Variants in MIGA1 observed in about 807,000 individuals in gnomAD.
MIGA1 encodes family with sequence similarity 73, member A.
In MIGA1, 58 loss-of-function variants were observed where a neutral mutation model predicts 82.0. That is an observed-to-expected ratio of 0.71 (90% CI 0.57 to 0.88). The LOEUF (loss-of-function observed/expected upper bound fraction) is 0.88. MIGA1 is among the 40% of genes least tolerant of loss of function. MIGA1 has a pLI of 0.00. For synonymous variants in MIGA1, 249 were observed against 253.6 expected, an observed-to-expected ratio of 0.98 and a Z score of 0.17; for missense variants, 751 against 749.1, an observed-to-expected ratio of 1.00 and a Z score of -0.03.
Position 77,857,317 on chromosome 1 carries a change from C to T in MIGA1, c.997-1621C>T, listed in dbSNP as rs960792043. 5.7e-5 allele frequency among the ~76,000 whole-genome samples: 5 copies of T among 88,192 alleles called. No homozygotes were observed. The Admixed American group carries it at 6.2e-4, about 11-fold the overall frequency. The allele number at this position is 88,192 out of a possible 152,430, so 57.9% of individuals were successfully genotyped here. ...CACTCTGCTCTTTGTTGCCTGTGTACTTTGGTTTTTTTTTTTTTGTTTTTG... is the reference window on the plus strand; with the variant it reads ...CACTCTGCTCTTTGTTGCCTGTGTATTTTGGTTTTTTTTTTTTTGTTTTTG... On this transcript the variant is annotated intron_variant, in intron 8 of 15. Transcript: ENST00000370791.
chr1:77,861,483 G>T (rs771947142), intron 12 of MIGA1, 161 bp downstream of exon 12: 4 of 548,370 alleles, frequency 7.3e-6, no homozygotes, highest in Non-Finnish European at 1.3e-5. Flanking sequence ...CTCCTTGTAC[G>T]TTGGGGCAGT....
chr1:77,807,082 A>C lies in MIGA1; in HGVS notation c.618A>C (p.Pro206=). The change falls in exon 5 of 16, where the codon CCA becomes CCC. Residue 206 remains proline (P), a synonymous_variant. Coordinates refer to ENST00000370791, the MANE Select transcript of MIGA1 (RefSeq NM_198549.4). ...TTGTTAATATTCCTGTGACTACTCC[A>C]GAGAACTTATACTTAATGGGTAGGA... 1 of 1,592,034 alleles carries C rather than the reference A, an allele frequency of 6.3e-7. No individual in the cohort carries two copies. The highest frequency in any genetic ancestry group is 1.7e-4 in the Middle Eastern group (1 of 6,010).
In MIGA1 at chr1:77,813,899, A is replaced by G. The variant is rs1471197568; in HGVS notation, c.771+32A>G. The stretch of plus-strand genomic sequence containing the variant: ...GTGATTGATTTGAGTGGTCTTCATA[A>G]TATTAGAAGAATCAAACTTTTTTTT... On this transcript the variant is annotated intron_variant, in intron 6 of 15. Transcript: ENST00000370791. 6.9e-6 allele frequency: 11 copies of G among 1,603,788 alleles called. No homozygotes were observed. In the African/African-American group the frequency reaches 1.2e-4, roughly 18 times the overall value.
chr1:77,853,243 T>C (rs1318436017), intron 8 of MIGA1: 1 of 152,192 alleles, frequency 6.6e-6, no homozygotes, highest in African/African-American at 2.4e-5. Context: ...GTAAAATGGC[T>C]GAATCTCCAT....
intron 7 of MIGA1, among the ~76,000 whole-genome samples, chr1:77,841,312 T>G (rs1230443649): frequency 1.3e-5 from 2 of 151,852 alleles, no homozygotes; most frequent in Non-Finnish European, 2.9e-5. Flanking sequence ...ATACTTAAAA[T>G]GTAAAGTCTG....
intron 12 of MIGA1, chr1:77,861,595 A>C: frequency 5.6e-6 from 2 of 354,134 alleles, no homozygotes; most frequent in South Asian, 3.4e-5. Flanking sequence ...CTTCTCTCCA[A>C]AAGTCATTGG....
chr1:77,869,088 A>C (rs7519671), intron 14 of MIGA1, among the ~76,000 whole-genome samples: 1 of 151,650 alleles, frequency 6.6e-6, no homozygotes, highest in African/African-American at 2.4e-5. Flanking sequence ...AGGACCCTGC[A>C]GCCTTCCGCA....
chr1:77,867,800 G>C (rs1685733561), intron 14 of MIGA1, among the ~76,000 whole-genome samples: 1 of 152,202 alleles, frequency 6.6e-6, no homozygotes, highest in Non-Finnish European at 1.5e-5. Flanking sequence ...CAGTTGCAGT[G>C]ATTTTAAAGT....
intron 8 of MIGA1, among the ~76,000 whole-genome samples, chr1:77,844,584 T>C (rs1684767295): frequency 6.6e-6 from 1 of 152,198 alleles, no homozygotes; most frequent in Admixed American, 6.5e-5. Flanking sequence ...TAAAACAGCT[T>C]TAAAAATTAC....
chr1:77,793,873 A>G (rs377227025), intron 2 of MIGA1, among the ~76,000 whole-genome samples: 7 of 141,498 alleles, frequency 4.9e-5, no homozygotes, highest in South Asian at 4.4e-4. Context: ...TGCAACCTCT[A>G]CCTCCTGGGT....
chr1:77,784,667 A>G (rs185775173), intron 2 of MIGA1, among the ~76,000 whole-genome samples: 85 of 152,200 alleles, frequency 5.6e-4, no homozygotes, highest in Non-Finnish European at 1.0e-3. Flanking sequence ...TTTCTATTTC[A>G]TTGATAGTAG....
intron 7 of MIGA1, among the ~76,000 whole-genome samples, chr1:77,834,993 G>A (rs1400338121): frequency 6.6e-6 from 1 of 152,192 alleles, no homozygotes; most frequent in East Asian, 1.9e-4. Context: ...TTTAAAAGAA[G>A]AGTGGCATCT....
At chr1:77,861,560 C>T in intron 12 of MIGA1, 1 of 428,622 alleles carries the variant, frequency 2.3e-6, no homozygotes, top group Non-Finnish European at 4.2e-6. Flanking sequence ...TCCCTCCTGT[C>T]CTCCTTCCCT....
intron 3 of MIGA1, 39 bp downstream of exon 3, chr1:77,801,547 T>C: frequency 6.6e-7 from 1 of 1,521,068 alleles, no homozygotes; most frequent in Admixed American, 2.4e-5. Flanking sequence ...CAAAAGTGTG[T>C]AAATCATAAC....
At position 77,859,038 on chromosome 1, in the gene MIGA1, T is replaced by C; in HGVS notation, c.1097T>C (p.Ile366Thr). The change falls in exon 9 of 16, where the codon ATT (isoleucine) becomes ACT (threonine). Residue 366 changes from isoleucine (I) to threonine (T), a missense_variant. This residue lies in a region of MIGA1 where 482 missense variants were observed against 439.4 expected (regional missense o/e 1.10). Coordinates refer to ENST00000370791, the MANE Select transcript of MIGA1 (RefSeq NM_198549.4). ...ATGCATTTAGTTGAAGAAGGAAAAA[T>C]TTACTCCAGAGTACTGAGGTACCAT... 1 of 1,606,712 alleles carries C rather than the reference T, an allele frequency of 6.2e-7. No homozygotes were observed. Among genetic ancestry groups the C allele is most frequent in the Non-Finnish European group, 8.5e-7 (1 of 1,173,306 alleles).
intron 8 of MIGA1, among the ~76,000 whole-genome samples, chr1:77,846,464 AT>A (rs2101898785): frequency 6.6e-6 from 1 of 152,042 alleles, no homozygotes; most frequent in African/African-American, 2.4e-5. Flanking sequence ...TAATAGAGAA[AT>A]CATAGGCTTC....
At chr1:77,870,040 G>C (rs1430028153) in intron 14 of MIGA1, among the ~76,000 whole-genome samples, 1 of 123,742 alleles carries the variant, frequency 8.1e-6, no homozygotes, top group South Asian at 3.0e-4. Flanking sequence ...AGGGGCGGCC[G>C]GGCAGAGGCG....
At chr1:77,838,840 C>T (rs2101878574) in intron 7 of MIGA1, among the ~76,000 whole-genome samples, 2 of 152,274 alleles carry the variant, frequency 1.3e-5, no homozygotes, top group South Asian at 4.1e-4. Flanking sequence ...AATAGTTTTT[C>T]ATTATGAATG....
At chr1:77,869,593 C>T (rs570334371) in intron 14 of MIGA1, among the ~76,000 whole-genome samples, 1,587 of 144,442 alleles carry the variant, frequency 0.011, 28 homozygotes, top group African/African-American at 0.036. Flanking sequence ...ACCACCCTCC[C>T]GGACGAGGCG....
Sources: gnomAD v4.1 joint callset for allele counts (sites outside exome capture counted in the v4.1 genomes callset) on GRCh38, gnomAD v4.1.1 for gene constraint, gnomAD v4.1.1 regional missense constraint, MANE v1.5 for transcripts, NCBI Gene and HGNC (gene_info 2026-07-23, HGNC 2026-07-21) for gene names.